The following EGFR variants were observed in gnomAD, a reference collection of about 807,000 sequenced individuals.
The protein encoded by EGFR is avian erythroblastic leukemia viral (v-erb-b) oncogene homolog.
Under a neutral mutation model 143.0 loss-of-function variants are expected in EGFR, and 58 were observed. The observed-to-expected ratio is 0.41, with a 90% CI of 0.33 to 0.50. EGFR has a LOEUF of 0.50. EGFR is among the 20% of genes least tolerant of loss of function. EGFR has a pLI of 0.39. For synonymous variants in EGFR, 613 were observed against 594.4 expected (o/e 1.03, Z -0.45); for missense variants, 1,307 against 1,579.0 (o/e 0.83, Z 2.92).
At chr7:55,172,811 A>G in intron 16 of EGFR, 172 bp from the exon 17 acceptor site, 2 of 1,540,100 alleles carry the variant, frequency 1.3e-6, no homozygotes, top group Non-Finnish European at 1.7e-6. Flanking sequence ...AAAGTTGGAA[A>G]CGTTGCCTTA....
chr7:55,023,758 C>T (rs116469697), intron 1 of EGFR, among the ~76,000 whole-genome samples: 2,055 of 151,806 alleles, frequency 0.014, 38 homozygotes, highest in African/African-American at 0.047. Context: ...TTGTTAGTCT[C>T]AGTTAATTAT....
chr7:55,125,574 T>C (rs1306817310), intron 1 of EGFR, among the ~76,000 whole-genome samples: 1 of 152,206 alleles, frequency 6.6e-6, no homozygotes, highest in Non-Finnish European at 1.5e-5. Flanking sequence ...AGCTTGTACA[T>C]CTCAAGAAGT....
intron 14 of EGFR, among the ~76,000 whole-genome samples, chr7:55,164,491 GCGT>G: frequency 6.6e-6 from 1 of 152,334 alleles, no homozygotes; most frequent in East Asian, 1.9e-4. Flanking sequence ...TAGGCTGCCA[GCGT>G]GGCTGCTTAC....
intron 1 of EGFR, among the ~76,000 whole-genome samples, chr7:55,074,436 CT>C (rs895515819): frequency 7.2e-5 from 11 of 152,226 alleles, no homozygotes; most frequent in African/African-American, 2.7e-4. Context: ...AGCTGGCCCC[CT>C]GGCCTGGTTT....
intron 1 of EGFR, among the ~76,000 whole-genome samples, chr7:55,111,272 G>A (rs1198394471): frequency 6.6e-6 from 1 of 152,098 alleles, no homozygotes; most frequent in African/African-American, 2.4e-5. Flanking sequence ...TTGTGGTTTA[G>A]GGCTCAATCA....
intron 19 of EGFR, among the ~76,000 whole-genome samples, chr7:55,178,976 T>C (rs1386489821): frequency 2.0e-5 from 3 of 152,216 alleles, no homozygotes; most frequent in African/African-American, 4.8e-5. Context: ...CCCTAGTCCC[T>C]GCTGGAATGT....
At chr7:55,055,368 G>C (rs1359722159) in intron 1 of EGFR, among the ~76,000 whole-genome samples, 2 of 152,116 alleles carry the variant, frequency 1.3e-5, no homozygotes, top group African/African-American at 4.8e-5. Flanking sequence ...TGCATAGCTA[G>C]AGTTGAGTAT....
intron 19 of EGFR, among the ~76,000 whole-genome samples, chr7:55,176,020 A>G (rs1383415177): frequency 6.6e-6 from 1 of 152,244 alleles, no homozygotes; most frequent in Admixed American, 6.5e-5. Context: ...AATTGAGTCA[A>G]GTCCTAGTAA....
intron 1 of EGFR, among the ~76,000 whole-genome samples, chr7:55,078,278 T>G (rs1790246010): frequency 6.6e-6 from 1 of 151,734 alleles, no homozygotes; most frequent in African/African-American, 2.4e-5. Context: ...TCCCGCGTCC[T>G]CACTGTCCTG....
chr7:55,182,881 G>C lies in EGFR; in HGVS notation c.2469+1403G>C, dbSNP rs1026486251. ...CCTGGGAGAGGGTCTTGTGTGCCTC[G>C]GATGCCAGGGCCTCTTTTTATTGGG... On this transcript the variant is annotated intron_variant, in intron 20 of 27. Coordinates refer to ENST00000275493, the MANE Select transcript of EGFR (RefSeq NM_005228.5). Among the ~76,000 whole-genome samples the C allele has an allele frequency of 2.0e-5, 3 of 152,254 alleles. No individual in the cohort carries two copies. In the South Asian group the frequency reaches 6.2e-4, roughly 32 times the overall value.
At chr7:55,043,027 G>T (rs772408626) in intron 1 of EGFR, among the ~76,000 whole-genome samples, 2 of 152,032 alleles carry the variant, frequency 1.3e-5, no homozygotes, top group Non-Finnish European at 2.9e-5. Flanking sequence ...TTTCAAATCG[G>T]ATGGTACCTA....
chr7:55,164,041 A>C (rs1485888969), intron 14 of EGFR, among the ~76,000 whole-genome samples: 1 of 152,018 alleles, frequency 6.6e-6, no homozygotes, highest in Non-Finnish European at 1.5e-5. Context: ...TTCTGCTGAC[A>C]CCCCCAACCT....
At chr7:55,095,791 C>T (rs1486381137) in intron 1 of EGFR, among the ~76,000 whole-genome samples, 2 of 150,892 alleles carry the variant, frequency 1.3e-5, no homozygotes, top group African/African-American at 4.9e-5. Flanking sequence ...CAGAGACACA[C>T]AGATACACAC....
intron 1 of EGFR, among the ~76,000 whole-genome samples, chr7:55,113,585 A>G (rs1031403634): frequency 6.6e-5 from 10 of 152,176 alleles, no homozygotes; most frequent in Non-Finnish European, 1.5e-4. Context: ...TACCTCCTTC[A>G]ATAGAGGATC....
In EGFR at chr7:55,174,634, C is replaced by T. The variant is rs563863341; in HGVS notation, c.2185-88C>T. 1.9e-5 allele frequency: 22 copies of T among 1,141,698 alleles called. No homozygotes were observed. In the South Asian group the frequency reaches 2.1e-4, roughly 11 times the overall value. 70.7% of individuals were successfully genotyped at this position (1,141,698 alleles called of 1,614,324 possible). A position where few individuals can be genotyped will look rare whatever the true frequency, so the allele number is the denominator to read the frequency against. On this transcript the variant is annotated intron_variant, in intron 18 of 27. Transcript: ENST00000275493. ...AGTGTCCCTCACCTTCGGGGTGCAT[C>T]GCTGGTAACATCCACCCAGATCACT...
intron 4 of EGFR, among the ~76,000 whole-genome samples, chr7:55,147,119 C>T (rs1054477198): frequency 6.6e-6 from 1 of 152,228 alleles, no homozygotes; most frequent in African/African-American, 2.4e-5. Flanking sequence ...CCCGGCCCTC[C>T]TGAAGCACCA....
intron 12 of EGFR, 128 bp from the exon 13 acceptor site, chr7:55,161,371 G>A (rs748815988): frequency 1.5e-5 from 20 of 1,304,830 alleles, no homozygotes; most frequent in Admixed American, 2.8e-5. Context: ...CTCCTTCAGG[G>A]GTAGCCAGCA....
chr7:55,190,729 T>C (rs1787356149), intron 20 of EGFR, among the ~76,000 whole-genome samples: 1 of 152,114 alleles, frequency 6.6e-6, no homozygotes, highest in African/African-American at 2.4e-5. Context: ...TAAAGGGAAC[T>C]AGAAAGGTGG....
chr7:55,169,532 A>G (rs565830245), intron 15 of EGFR, among the ~76,000 whole-genome samples: 293 of 152,346 alleles, frequency 1.9e-3, no homozygotes, highest in Non-Finnish European at 3.3e-3. Context: ...AAGTTTAGTT[A>G]CTGCTATAAT....
Sources: gnomAD v4.1 joint callset for allele counts (sites outside exome capture counted in the v4.1 genomes callset) on GRCh38, gnomAD v4.1.1 for gene constraint, MANE v1.5 for transcripts, NCBI Gene and HGNC (gene_info 2026-07-23, HGNC 2026-07-21) for gene names.